The following DCC variants were observed in gnomAD, a reference collection of about 807,000 sequenced individuals.
DCC encodes DCC netrin 1 receptor, also known as netrin receptor DCC.
DCC carries 58 observed loss-of-function variants against 172.5 expected under a neutral mutation model. The observed-to-expected ratio is 0.34, with a 90% CI of 0.27 to 0.42. The LOEUF (loss-of-function observed/expected upper bound fraction) is 0.42. DCC is among the 10% of genes least tolerant of loss of function. The pLI, the probability that DCC is intolerant of heterozygous loss-of-function variation, is 1.00. For missense variants in DCC, 1,740 were observed against 1,791.0 expected, an observed-to-expected ratio of 0.97 and a Z score of 0.51; for synonymous variants, 709 against 644.5, an observed-to-expected ratio of 1.10 and a Z score of -1.52.
At chr18:52,495,534 C>T (rs1328523804) in intron 1 of DCC, among the ~76,000 whole-genome samples, 1 of 152,122 alleles carries the variant, frequency 6.6e-6, no homozygotes. Flanking sequence ...AATCTGATGT[C>T]TTTAAGCAAA....
At chr18:52,891,090 G>C (rs1342845805) in intron 2 of DCC, among the ~76,000 whole-genome samples, 1 of 152,004 alleles carries the variant, frequency 6.6e-6, no homozygotes, top group Non-Finnish European at 1.5e-5. Flanking sequence ...TATAAGCAAA[G>C]GAAATAATAA....
chr18:52,632,306 G>C (rs565662962), intron 1 of DCC, among the ~76,000 whole-genome samples: 1 of 152,176 alleles, frequency 6.6e-6, no homozygotes, highest in African/African-American at 2.4e-5. Context: ...TTTGCTCATT[G>C]TTCTATCCTC....
intron 1 of DCC, among the ~76,000 whole-genome samples, chr18:52,386,976 A>C (rs1985824470): frequency 6.6e-6 from 1 of 152,084 alleles, no homozygotes; most frequent in Non-Finnish European, 1.5e-5. Context: ...CAGTAGTTTA[A>C]CTCCAATTTG....
intron 1 of DCC, among the ~76,000 whole-genome samples, chr18:52,632,530 A>G (rs903033279): frequency 6.6e-6 from 1 of 152,188 alleles, no homozygotes; most frequent in Non-Finnish European, 1.5e-5. Context: ...CAACAATTCA[A>G]AGTCAAAATT....
chr18:52,962,910 A>T (rs927373620), intron 5 of DCC, among the ~76,000 whole-genome samples: 4 of 144,314 alleles, frequency 2.8e-5, no homozygotes, highest in Non-Finnish European at 3.0e-5. Context: ...AACAATGAGA[A>T]CACATGGACA....
intron 12 of DCC, among the ~76,000 whole-genome samples, chr18:53,281,564 G>A (rs948939167): frequency 1.3e-5 from 2 of 152,066 alleles, no homozygotes; most frequent in African/African-American, 4.8e-5. Flanking sequence ...CTGACTTCTG[G>A]ACTTGTGTCC....
chr18:52,741,599 A>G (rs1482468583), intron 1 of DCC, among the ~76,000 whole-genome samples: 2 of 152,168 alleles, frequency 1.3e-5, no homozygotes, highest in Non-Finnish European at 2.9e-5. Context: ...TACTACTTTA[A>G]AACATAAATT....
chr18:52,440,283 A>G (rs1987933930), intron 1 of DCC, among the ~76,000 whole-genome samples: 1 of 152,248 alleles, frequency 6.6e-6, no homozygotes, highest in Admixed American at 6.5e-5. Context: ...CTCCTGAGAC[A>G]GAATTCATGC....
intron 1 of DCC, among the ~76,000 whole-genome samples, chr18:52,416,211 A>G (rs531874482): frequency 6.6e-6 from 1 of 152,166 alleles, no homozygotes; most frequent in Non-Finnish European, 1.5e-5. Flanking sequence ...CCTGAGTTCT[A>G]GTTTGATTGC....
At chr18:53,442,545 T>C (rs1165713687) in intron 22 of DCC, among the ~76,000 whole-genome samples, 1 of 152,152 alleles carries the variant, frequency 6.6e-6, no homozygotes, top group Non-Finnish European at 1.5e-5. Flanking sequence ...AGCACAACAC[T>C]GTTGAAATTA....
chr18:53,363,178 A>G (rs138944217), intron 15 of DCC, among the ~76,000 whole-genome samples: 9 of 152,244 alleles, frequency 5.9e-5, no homozygotes, highest in Non-Finnish European at 1.2e-4. Context: ...GCTGTGTTAC[A>G]TTAGGTGACG....
chr18:52,736,905 T>G (rs2036739183), intron 1 of DCC, among the ~76,000 whole-genome samples: 1 of 152,156 alleles, frequency 6.6e-6, no homozygotes, highest in African/African-American at 2.4e-5. Context: ...AACCCACATT[T>G]GAGATAGAGA....
At chr18:52,500,538 A>T (rs1262860052) in intron 1 of DCC, among the ~76,000 whole-genome samples, 1 of 152,156 alleles carries the variant, frequency 6.6e-6, no homozygotes, top group East Asian at 1.9e-4. Flanking sequence ...TTGTACAATT[A>T]TTTTGGCGCT....
intron 1 of DCC, among the ~76,000 whole-genome samples, chr18:52,716,496 G>C (rs2036386910): frequency 6.6e-6 from 1 of 152,176 alleles, no homozygotes; most frequent in Non-Finnish European, 1.5e-5. Flanking sequence ...ATTCTTACAT[G>C]TGGCTTGTGA....
chr18:53,239,181 C>T (rs907210802), intron 12 of DCC, among the ~76,000 whole-genome samples: 5 of 141,948 alleles, frequency 3.5e-5, no homozygotes, highest in Non-Finnish European at 1.5e-5. Context: ...TACCCTAGAA[C>T]TTAAAATATA....
intron 1 of DCC, among the ~76,000 whole-genome samples, chr18:52,453,312 A>G (rs1988362885): frequency 6.6e-6 from 1 of 152,224 alleles, no homozygotes; most frequent in African/African-American, 2.4e-5. Flanking sequence ...TGAATATTTG[A>G]TAAGTACATC....
At chr18:52,389,564 A>G (rs2144345086) in intron 1 of DCC, among the ~76,000 whole-genome samples, 1 of 152,258 alleles carries the variant, frequency 6.6e-6, no homozygotes, top group Non-Finnish European at 1.5e-5. Flanking sequence ...AATTATTGTA[A>G]TACTTTATAT....
At chr18:53,074,194 G>C (rs1217192621) in intron 7 of DCC, among the ~76,000 whole-genome samples, 1 of 152,104 alleles carries the variant, frequency 6.6e-6, no homozygotes, top group African/African-American at 2.4e-5. Flanking sequence ...GTTTCATTGT[G>C]TTTAGTGTAG....
chr18:53,110,037 C>T (rs2043307746), intron 7 of DCC, among the ~76,000 whole-genome samples: 1 of 151,500 alleles, frequency 6.6e-6, no homozygotes, highest in Non-Finnish European at 1.5e-5. Flanking sequence ...TCATAGAAGT[C>T]CTAATTTGAA....
Sources: gnomAD v4.1 joint callset for allele counts (sites outside exome capture counted in the v4.1 genomes callset) on GRCh38, gnomAD v4.1.1 for gene constraint, MANE v1.5 for transcripts, NCBI Gene and HGNC (gene_info 2026-07-23, HGNC 2026-07-21) for gene names.